The following NALF1 variants were observed in gnomAD, a reference collection of about 807,000 sequenced individuals.
The protein encoded by NALF1 is family with sequence similarity 155 member A.
In NALF1, 3 loss-of-function variants were observed where a neutral mutation model predicts 48.4. That is an observed-to-expected ratio of 0.06 (90% confidence interval 0.03 to 0.16). NALF1 has a LOEUF of 0.16. Ranked by LOEUF, NALF1 falls within the 10% of genes least tolerant of loss-of-function variation. The probability of loss-of-function intolerance (pLI) is 1.00; values close to 1 mark genes in which losing one functional copy is unlikely to be tolerated. For synonymous variants in NALF1, 262 were observed against 245.7 expected (o/e 1.07, Z -0.62); for missense variants, 526 against 571.5 (o/e 0.92, Z 0.81).
At chr13:107,288,193 A>T (rs1483156568) in intron 1 of NALF1, among the ~76,000 whole-genome samples, 1 of 150,472 alleles carries the variant, frequency 6.6e-6, no homozygotes, top group Non-Finnish European at 1.5e-5. Flanking sequence ...TTTGTCTCTC[A>T]TTAAGAAATA....
intron 1 of NALF1, among the ~76,000 whole-genome samples, chr13:107,484,418 C>T (rs1349883597): frequency 6.6e-6 from 1 of 152,064 alleles, no homozygotes; most frequent in East Asian, 1.9e-4. Context: ...ATTATGAAAT[C>T]CCCATAAGGC....
chr13:107,588,195 T>A (rs550612770), intron 1 of NALF1, among the ~76,000 whole-genome samples: 9 of 152,238 alleles, frequency 5.9e-5, no homozygotes, highest in African/African-American at 1.9e-4. Context: ...CCTGTTGCCA[T>A]ACACACATTT....
At chr13:107,228,185 A>T (rs77268524) in intron 1 of NALF1, among the ~76,000 whole-genome samples, 1,555 of 152,328 alleles carry the variant, frequency 0.01, 10 homozygotes, top group Non-Finnish European at 0.016. Flanking sequence ...ATTTGGAAAA[A>T]TATACAATGA....
At chr13:107,504,680 C>A (rs655443) in intron 1 of NALF1, among the ~76,000 whole-genome samples, 15,519 of 152,170 alleles carry the variant, frequency 0.1, 1,297 homozygotes, top group African/African-American at 0.22. Flanking sequence ...TACGCACTAA[C>A]CTCAGCCCCA....
intron 1 of NALF1, among the ~76,000 whole-genome samples, chr13:107,244,742 T>C (rs923406521): frequency 2.6e-5 from 4 of 152,158 alleles, no homozygotes; most frequent in East Asian, 1.9e-4. Context: ...CAGTCTATGG[T>C]TGGTATATGA....
intron 1 of NALF1, among the ~76,000 whole-genome samples, chr13:107,366,576 T>G (rs1883155551): frequency 6.6e-6 from 1 of 152,218 alleles, no homozygotes; most frequent in African/African-American, 2.4e-5. Flanking sequence ...CATGACACAC[T>G]GTTTATCAAT....
chr13:107,839,238 G>T (rs1290041731), intron 1 of NALF1, among the ~76,000 whole-genome samples: 1 of 151,400 alleles, frequency 6.6e-6, no homozygotes, highest in Non-Finnish European at 1.5e-5. Context: ...TCCTATTCCA[G>T]TCACACCATG....
Position 107,403,188 on chromosome 13 carries a change from C to CTTTTTTTTTTT in NALF1, c.916-192444_916-192434dup, listed in dbSNP as rs10710356. Among the ~76,000 whole-genome samples, 65 of 42,488 alleles carry CTTTTTTTTTTT rather than the reference C, an allele frequency of 1.5e-3. 3 individuals are homozygous for CTTTTTTTTTTT. The highest frequency in any genetic ancestry group is 3.1e-3 in the African/African-American group (36 of 11,676). The allele number at this position is 42,488 out of a possible 152,430, so 27.9% of individuals were successfully genotyped here. ...TTCTGCTTGGTTTCTCTTGTTCGGG[C>CTTTTTTTTTTT]TTTTTTTTTTTTTTTTTTTTTTTTT... On this transcript the variant is annotated intron_variant, in intron 1 of 2. Transcript: ENST00000375915.
At chr13:107,432,194 G>A (rs897688208) in intron 1 of NALF1, among the ~76,000 whole-genome samples, 14 of 151,968 alleles carry the variant, frequency 9.2e-5, no homozygotes, top group Admixed American at 7.9e-4. Context: ...ATGAGGAGGC[G>A]CCACAGTCTC....
At chr13:107,671,489 G>A (rs766963152) in intron 1 of NALF1, among the ~76,000 whole-genome samples, 4 of 151,932 alleles carry the variant, frequency 2.6e-5, no homozygotes, top group African/African-American at 7.2e-5. Context: ...AAAAATGATT[G>A]GAAGAAAATC....
At chr13:107,430,849 G>T in intron 1 of NALF1, among the ~76,000 whole-genome samples, 1 of 152,110 alleles carries the variant, frequency 6.6e-6, no homozygotes. Context: ...GGTATTTCTA[G>T]TTCTAGATCC....
chr13:107,315,299 C>T (rs1328652653), intron 1 of NALF1, among the ~76,000 whole-genome samples: 1 of 152,028 alleles, frequency 6.6e-6, no homozygotes, highest in East Asian at 1.9e-4. Flanking sequence ...TCCCTCTGAG[C>T]CAGACCCTCC....
intron 1 of NALF1, among the ~76,000 whole-genome samples, chr13:107,397,622 T>C (rs1883733491): frequency 6.6e-6 from 1 of 152,038 alleles, no homozygotes; most frequent in Admixed American, 6.6e-5. Flanking sequence ...ACTGTTAAAA[T>C]GTGGCTTCCT....
intron 1 of NALF1, among the ~76,000 whole-genome samples, chr13:107,808,252 T>G (rs903678016): frequency 6.6e-6 from 1 of 152,110 alleles, no homozygotes; most frequent in Non-Finnish European, 1.5e-5. Context: ...CAGGCATACA[T>G]GAGTGAGAAT....
intron 1 of NALF1, among the ~76,000 whole-genome samples, chr13:107,436,082 C>T (rs532552555): frequency 1.1e-4 from 17 of 152,280 alleles, no homozygotes; most frequent in South Asian, 1.0e-3. Context: ...GACACACCAA[C>T]GGCAACAGTA....
At chr13:107,421,221 A>G (rs926971797) in intron 1 of NALF1, among the ~76,000 whole-genome samples, 5 of 152,188 alleles carry the variant, frequency 3.3e-5, no homozygotes, top group Non-Finnish European at 7.4e-5. Flanking sequence ...GTCTTCGTAG[A>G]GCTCAGATGA....
At chr13:107,489,850 G>A (rs1356996418) in intron 1 of NALF1, among the ~76,000 whole-genome samples, 1 of 151,958 alleles carries the variant, frequency 6.6e-6, no homozygotes, top group Non-Finnish European at 1.5e-5. Flanking sequence ...ATCTGACAAA[G>A]GTCTAATATC....
At chr13:107,655,158 A>G (rs1250741811) in intron 1 of NALF1, among the ~76,000 whole-genome samples, 1 of 152,062 alleles carries the variant, frequency 6.6e-6, no homozygotes, top group Non-Finnish European at 1.5e-5. Flanking sequence ...GAGCAATCAG[A>G]CAAGAGATAA....
chr13:107,305,528 G>A (rs1268577586), intron 1 of NALF1, among the ~76,000 whole-genome samples: 3 of 152,122 alleles, frequency 2.0e-5, no homozygotes, highest in Non-Finnish European at 4.4e-5. Context: ...TTTAGATGTT[G>A]TCATGAGAGG....
Sources: gnomAD v4.1 joint callset for allele counts (sites outside exome capture counted in the v4.1 genomes callset) on GRCh38, gnomAD v4.1.1 for gene constraint, MANE v1.5 for transcripts, NCBI Gene and HGNC (gene_info 2026-07-23, HGNC 2026-07-21) for gene names.